FSTL4: variants seen among roughly 807,000 people sequenced by gnomAD.
FSTL4 encodes the protein follistatin-related protein 4.
In FSTL4, 28 loss-of-function variants were observed where a neutral mutation model predicts 78.2. That is an observed-to-expected ratio of 0.36 (90% CI 0.27 to 0.49). The LOEUF (loss-of-function observed/expected upper bound fraction) is 0.49. Among genes scored for constraint, FSTL4 ranks in the 20% least tolerant of loss-of-function variants. The probability of loss-of-function intolerance (pLI) is 0.98; values close to 1 mark genes in which losing one functional copy is unlikely to be tolerated. For missense variants in FSTL4, 922 were observed against 1,084.9 expected (o/e 0.85, Z 2.11); for synonymous variants, 422 against 440.5 (o/e 0.96, Z 0.53).
chr5:133,470,483 G>A (rs114225823), intron 3 of FSTL4, among the ~76,000 whole-genome samples: 2,846 of 152,280 alleles, frequency 0.019, 76 homozygotes, highest in African/African-American at 0.064. Flanking sequence ...AGTGGCTCAC[G>A]CCTGTAATTG....
At position 133,338,002 on chromosome 5, in the gene FSTL4, G is replaced by A. The variant is rs539578820; in HGVS notation, c.410-21350C>T. 1.3e-5 allele frequency among the ~76,000 whole-genome samples: 2 copies of A among 152,320 alleles called. No homozygotes were observed. The highest frequency in any genetic ancestry group is 4.8e-5 in the African/African-American group (2 of 41,570). ...GGCCTTAGATGAGGGGGTTTGGGTG[G>A]TGAGTATGCGTGCGGAGGGCTTCTG... On this transcript the variant is annotated intron_variant, in intron 4 of 15. Coordinates refer to ENST00000265342, the MANE Select transcript of FSTL4 (RefSeq NM_015082.2). The surrounding 1 kb of genome is among the most constrained non-coding windows in gnomAD (Gnocchi z 4.0).
chr5:133,840,291 CA>C, the FSTL4 span, among the ~76,000 whole-genome samples: 2 of 152,204 alleles, frequency 1.3e-5, no homozygotes, highest in Non-Finnish European at 2.9e-5. Flanking sequence ...TTTGGGGAAT[CA>C]ATATCTTCCA....
chr5:133,253,486 A>C (rs966377119), intron 6 of FSTL4, among the ~76,000 whole-genome samples: 5 of 152,166 alleles, frequency 3.3e-5, no homozygotes, highest in Non-Finnish European at 7.4e-5. Context: ...AGACCCCCTG[A>C]GTCTTGCAAG....
chr5:133,403,482 C>T lies in FSTL4; in HGVS notation c.161-2496G>A, dbSNP rs144080024. ...CCCACAGGTGCTAGGCCTTGCTCCTCGTGTGGCCCCAGTATACTCAGGTTT... is the reference window on the plus strand; with the variant it reads ...CCCACAGGTGCTAGGCCTTGCTCCTTGTGTGGCCCCAGTATACTCAGGTTT... On this transcript the variant is annotated intron_variant, in intron 3 of 15. Coordinates refer to ENST00000265342, the MANE Select transcript of FSTL4 (RefSeq NM_015082.2). 3.1e-3 allele frequency among the ~76,000 whole-genome samples: 474 copies of T among 152,294 alleles called. 1 individual carries two copies. Among genetic ancestry groups the T allele is most frequent in the Middle Eastern group, 0.01 (3 of 294 alleles).
intron 3 of FSTL4, among the ~76,000 whole-genome samples, chr5:133,536,251 C>T (rs1163953953): frequency 6.6e-6 from 1 of 152,074 alleles, no homozygotes; most frequent in Non-Finnish European, 1.5e-5. Flanking sequence ...CAGAAATAAA[C>T]CTCAATTTTT....
At chr5:133,252,173 GAGCATTT>G (rs1180165593) in intron 6 of FSTL4, 2 of 152,254 alleles carry the variant, frequency 1.3e-5, no homozygotes, top group African/African-American at 4.8e-5. Context: ...ACAATGGATT[GAGCATTT>G]AGTTGTGCTT....
At chr5:133,693,459 C>T in the FSTL4 span, among the ~76,000 whole-genome samples, 1 of 152,180 alleles carries the variant, frequency 6.6e-6, no homozygotes, top group African/African-American at 2.4e-5. Flanking sequence ...ACTCTGTTCC[C>T]ACCCAGAGGG....
chr5:133,390,023 C>T (rs568844934), intron 4 of FSTL4, among the ~76,000 whole-genome samples: 6 of 152,298 alleles, frequency 3.9e-5, no homozygotes, highest in African/African-American at 1.2e-4. Flanking sequence ...TAGACCAGGC[C>T]TTTGGGCATA....
chr5:133,196,492 G>A lies in FSTL4; in HGVS notation c.*2603C>T, dbSNP rs1160013597. 1 of 152,114 alleles carries A rather than the reference G, an allele frequency of 6.6e-6. No homozygotes were observed. The allele number at this position is 152,114 out of a possible 1,614,324, so 9.4% of individuals were successfully genotyped here. On this transcript the variant is annotated 3_prime_UTR_variant, in exon 16 of 16. Coordinates refer to ENST00000265342, the MANE Select transcript of FSTL4 (RefSeq NM_015082.2). ...TAATTTTATTTCAAAATGACTGAGG[G>A]GGTTTATATAAATAGCTTTCTTGAT... is the stretch of plus-strand genomic sequence containing the variant.
the FSTL4 span, among the ~76,000 whole-genome samples, chr5:133,741,526 G>A: frequency 0.025 from 3,752 of 152,288 alleles, 160 homozygotes; most frequent in African/African-American, 0.083. Flanking sequence ...CCTGTGAGCA[G>A]CAACCACCCA....
intron 3 of FSTL4, among the ~76,000 whole-genome samples, chr5:133,520,151 C>A (rs1488863203): frequency 6.6e-6 from 1 of 152,064 alleles, no homozygotes; most frequent in Non-Finnish European, 1.5e-5. Flanking sequence ...TCTTGTTTTG[C>A]AATGTGGCTG....
chr5:133,497,951 C>T (rs1758404156), intron 3 of FSTL4, among the ~76,000 whole-genome samples: 1 of 152,000 alleles, frequency 6.6e-6, no homozygotes, highest in African/African-American at 2.4e-5. Context: ...TTCTGAAGGC[C>T]CAGCTCTGTG....
chr5:133,577,189 C>T (rs1561475363), intron 2 of FSTL4, among the ~76,000 whole-genome samples: 1 of 152,164 alleles, frequency 6.6e-6, no homozygotes. Context: ...TAACCCTAAA[C>T]CCGGGGCTAG....
At chr5:133,391,232 G>A (rs937497719) in intron 4 of FSTL4, among the ~76,000 whole-genome samples, 2 of 152,098 alleles carry the variant, frequency 1.3e-5, no homozygotes, top group Admixed American at 6.5e-5. Context: ...GCTGCTACAC[G>A]GGGGCCTTGA....
At chr5:133,277,201 A>T (rs1752903151) in intron 6 of FSTL4, among the ~76,000 whole-genome samples, 1 of 152,180 alleles carries the variant, frequency 6.6e-6, no homozygotes, top group Non-Finnish European at 1.5e-5. Flanking sequence ...CTGTAATCCC[A>T]GCTACTTGGG....
the FSTL4 span, among the ~76,000 whole-genome samples, chr5:133,638,681 G>A: frequency 1.3e-5 from 2 of 151,924 alleles, no homozygotes; most frequent in East Asian, 3.9e-4. Context: ...TTCTCCCATA[G>A]CACTTACTGT....
the FSTL4 span, among the ~76,000 whole-genome samples, chr5:133,756,111 C>G: frequency 6.6e-6 from 1 of 152,032 alleles, no homozygotes; most frequent in South Asian, 2.1e-4. Context: ...CTGGCAAGAG[C>G]GGGCTTATAA....
At chr5:133,651,303 G>C in the FSTL4 span, among the ~76,000 whole-genome samples, 1,645 of 152,218 alleles carry the variant, frequency 0.011, 30 homozygotes, top group African/African-American at 0.038. Context: ...GGACATCCTT[G>C]CCTTGTTTAT....
In FSTL4 at chr5:133,199,138, C is replaced by A. The variant is rs781004091; in HGVS notation, c.2486G>T (p.Gly829Val). Reference protein sequence around the residue: ...RQNTLRCEVSGIKGGTTVVWV... With the variant: ...RQNTLRCEVSVIKGGTTVVWV... ...CACCACTGTGGTCCCCCCCTTTATA[C>A]CTGACACCTCACACCGCAGCGTGTT... The change falls in exon 16 of 16, where the codon GGT (glycine) becomes GTT (valine). Residue 829 changes from glycine (G) to valine (V), a missense_variant. Coordinates refer to ENST00000265342, the MANE Select transcript of FSTL4 (RefSeq NM_015082.2). This position sits in a 1 kb window ranked among gnomAD's most constrained non-coding sequence, Gnocchi z 4.4. The A allele has an allele frequency of 6.3e-7, 1 of 1,584,182 alleles. No individual in the cohort carries two copies. The highest frequency in any genetic ancestry group is 8.6e-7 in the Non-Finnish European group (1 of 1,162,384).
Sources: gnomAD v4.1 joint callset for allele counts (sites outside exome capture counted in the v4.1 genomes callset) on GRCh38, gnomAD v4.1.1 for gene constraint, Gnocchi (gnomAD v3.1) non-coding constraint, MANE v1.5 for transcripts, NCBI Gene and HGNC (gene_info 2026-07-23, HGNC 2026-07-21) for gene names.